TMEM17: variants seen among roughly 807,000 people sequenced by gnomAD.
TMEM17 encodes transmembrane protein 17.
TMEM17 carries 15 observed loss-of-function variants against 19.1 expected under a neutral mutation model. That is an observed-to-expected ratio of 0.78 (90% CI 0.52 to 1.21). The LOEUF (loss-of-function observed/expected upper bound fraction) is 1.21. TMEM17 is among the 50% of genes most tolerant of loss of function. TMEM17 has a pLI of 0.00. For missense variants in TMEM17, 245 were observed against 242.3 expected (o/e 1.01, Z -0.07); for synonymous variants, 103 against 86.9 (o/e 1.19, Z -1.03).
At chr2:62,474,349 CCA>C in the TMEM17 span, among the ~76,000 whole-genome samples, 2 of 152,146 alleles carry the variant, frequency 1.3e-5, no homozygotes, top group Non-Finnish European at 2.9e-5. Flanking sequence ...ATGTTTGCAG[CCA>C]CAGCATTCCA....
At chr2:62,459,728 A>G in the TMEM17 span, among the ~76,000 whole-genome samples, 4 of 152,226 alleles carry the variant, frequency 2.6e-5, no homozygotes, top group African/African-American at 9.6e-5. Flanking sequence ...GTTTTGAAAT[A>G]TTGTTTTGCT....
Position 62,506,051 on chromosome 2 carries a change from G to T in TMEM17, c.79C>A (p.Pro27Thr), listed in dbSNP as rs138022458. The T allele has an allele frequency of 9.3e-6, 15 of 1,611,066 alleles. No individual in the cohort carries two copies. The highest frequency in any genetic ancestry group is 1.0e-5 in the Non-Finnish European group (12 of 1,178,918). The change falls in exon 1 of 4, where the codon CCA becomes ACA. Residue 27 changes from proline to threonine, a missense_variant. Pro to Thr is a conservative substitution (Grantham distance 38, BLOSUM62 -1). Transcript: ENST00000335390. ...AVFSDSNRTG[P>T]ESNEGPENEM... ...TCACCCGGACCCTCATTGGACTCTG[G>T]ACCGGTCCGATTGGAATCACTGAAC...
downstream of TMEM17, among the ~76,000 whole-genome samples, chr2:62,496,707 G>A (rs1178956497): frequency 1.3e-5 from 2 of 152,160 alleles, no homozygotes; most frequent in African/African-American, 4.8e-5. Flanking sequence ...TTCCTTTAGA[G>A]TTTTTAAAAA....
At chr2:62,482,875 T>A in the TMEM17 span, among the ~76,000 whole-genome samples, 3 of 152,224 alleles carry the variant, frequency 2.0e-5, no homozygotes, top group Non-Finnish European at 4.4e-5. Flanking sequence ...TAGTTTGGGT[T>A]GGAGTTTCGT....
chr2:62,480,856 T>C, the TMEM17 span, among the ~76,000 whole-genome samples: 1 of 152,202 alleles, frequency 6.6e-6, no homozygotes, highest in South Asian at 2.1e-4. Context: ...CCAGCTTTGT[T>C]CTTTTTGTTG....
the TMEM17 span, among the ~76,000 whole-genome samples, chr2:62,475,952 C>A: frequency 6.6e-6 from 1 of 152,168 alleles, no homozygotes; most frequent in African/African-American, 2.4e-5. Context: ...AAATGTCAAG[C>A]AAATGCTCGT....
the TMEM17 span, among the ~76,000 whole-genome samples, chr2:62,471,474 C>G: frequency 6.6e-6 from 1 of 152,336 alleles, no homozygotes; most frequent in Non-Finnish European, 1.5e-5. Flanking sequence ...GTACTTCAAA[C>G]TTCTTGTTCA....
At chr2:62,478,312 G>C in the TMEM17 span, among the ~76,000 whole-genome samples, 3 of 152,154 alleles carry the variant, frequency 2.0e-5, no homozygotes, top group Non-Finnish European at 4.4e-5. Context: ...AGCCAGTGTT[G>C]CTTGTAACGA....
At chr2:62,482,995 C>T in the TMEM17 span, among the ~76,000 whole-genome samples, 2 of 152,140 alleles carry the variant, frequency 1.3e-5, no homozygotes, top group South Asian at 4.1e-4. Flanking sequence ...TTGGGTTTTC[C>T]AAGTACATAA....
the TMEM17 span, among the ~76,000 whole-genome samples, chr2:62,462,341 G>A: frequency 5.4e-4 from 82 of 152,246 alleles, no homozygotes; most frequent in Middle Eastern, 6.8e-3. Flanking sequence ...CAGCACTGCA[G>A]GACCCAAGTT....
chr2:62,469,052 T>C, the TMEM17 span, among the ~76,000 whole-genome samples: 1 of 149,156 alleles, frequency 6.7e-6, no homozygotes, highest in Non-Finnish European at 1.5e-5. Context: ...AGCCAAACAA[T>C]ACCTTTACTG....
the TMEM17 span, among the ~76,000 whole-genome samples, chr2:62,455,871 T>A: frequency 6.6e-6 from 1 of 152,216 alleles, no homozygotes; most frequent in African/African-American, 2.4e-5. Flanking sequence ...TTTTGACATT[T>A]GTTATTGTCT....
the TMEM17 span, among the ~76,000 whole-genome samples, chr2:62,467,072 C>G: frequency 6.6e-6 from 1 of 151,788 alleles, no homozygotes; most frequent in East Asian, 1.9e-4. Flanking sequence ...TTTGGTTTTT[C>G]TTTTTTTTAA....
chr2:62,481,709 G>GTGTGTGTGTGTGTGTGTGTA, the TMEM17 span, among the ~76,000 whole-genome samples: 1 of 151,366 alleles, frequency 6.6e-6, no homozygotes, highest in African/African-American at 2.4e-5. Context: ...GTGTGTGTGT[G>GTGTGTGTGTGTGTGTGTGTA]TGTGTGTGTG....
chr2:62,455,792 A>G, the TMEM17 span, among the ~76,000 whole-genome samples: 1 of 152,068 alleles, frequency 6.6e-6, no homozygotes, highest in Non-Finnish European at 1.5e-5. Flanking sequence ...CTACCAAACT[A>G]TTTTCCAAGT....
chr2:62,504,629 C>T (rs577101374), intron 1 of TMEM17, among the ~76,000 whole-genome samples: 4 of 152,236 alleles, frequency 2.6e-5, no homozygotes, highest in African/African-American at 4.8e-5. Flanking sequence ...CATAAACTTA[C>T]TAAATTTTGC....
intron 1 of TMEM17, 28 bp downstream of exon 1, chr2:62,506,002 C>T (rs374665358): frequency 6.3e-7 from 1 of 1,581,494 alleles, no homozygotes; most frequent in South Asian, 1.1e-5. Context: ...GCAGGCCACA[C>T]CCCCTGCACC....
the TMEM17 span, among the ~76,000 whole-genome samples, chr2:62,459,429 C>T: frequency 4.6e-5 from 7 of 152,374 alleles, no homozygotes; most frequent in East Asian, 1.3e-3. Flanking sequence ...TGGTGACTTG[C>T]TGCTCGGGCA....
the TMEM17 span, among the ~76,000 whole-genome samples, chr2:62,464,272 C>T: frequency 9.2e-5 from 14 of 152,228 alleles, no homozygotes; most frequent in African/African-American, 2.7e-4. Flanking sequence ...CACTGTAACA[C>T]GCCCTGTGGG....
Sources: allele counts gnomAD v4.1 joint callset (sites outside exome capture counted in the v4.1 genomes callset), GRCh38; gene constraint gnomAD v4.1.1; transcripts MANE v1.5; gene names NCBI Gene and HGNC (gene_info 2026-07-23, HGNC 2026-07-21).